The following CLMN variants were observed in gnomAD, a reference collection of about 807,000 sequenced individuals.
CLMN encodes calmin, also known as calmin (calponin-like, transmembrane).
CLMN carries 57 observed loss-of-function variants against 92.7 expected under a neutral mutation model. That is an observed-to-expected ratio of 0.61 (90% CI 0.50 to 0.77). The LOEUF is 0.77. Ranked by LOEUF, CLMN falls within the 30% of genes least tolerant of loss-of-function variation. CLMN has a pLI of 0.00. For missense variants in CLMN, 1,158 were observed against 1,237.5 expected, an observed-to-expected ratio of 0.94 and a Z score of 0.96; for synonymous variants, 466 against 470.6, an observed-to-expected ratio of 0.99 and a Z score of 0.13.
At chr14:95,238,442 C>G (rs1322682793) in intron 1 of CLMN, among the ~76,000 whole-genome samples, 1 of 152,226 alleles carries the variant, frequency 6.6e-6, no homozygotes, top group Non-Finnish European at 1.5e-5. Context: ...GGTTTTTCAC[C>G]AGCAGTGATT....
chr14:95,221,697 A>G lies in CLMN; in HGVS notation c.318T>C (p.Asp106=), dbSNP rs1897545332. 8 of 1,613,642 alleles carry G rather than the reference A, an allele frequency of 5.0e-6. No individual in the cohort carries two copies. Among genetic ancestry groups the G allele is most frequent in the South Asian group, 2.2e-5 (2 of 90,978 alleles). Residue 106 remains aspartate, a synonymous_variant, in exon 4 of 13, where the codon GAT becomes GAC. Transcript: ENST00000298912. ...ATGAGCTTCAAACACTTACATTGCTATCTTCCAAAAACTTAAGTGCTTTCG... is the reference window on the plus strand; with the variant it reads ...ATGAGCTTCAAACACTTACATTGCTGTCTTCCAAAAACTTAAGTGCTTTCG... ...NIAKALKFLE[D]SNVKLVSIDA...
At position 95,319,849 on chromosome 14, in the gene CLMN, C is replaced by T; in HGVS notation, c.-57G>A. 1.9e-6 allele frequency: 2 copies of T among 1,067,836 alleles called. No homozygotes were observed. Among genetic ancestry groups the T allele is most frequent in the Non-Finnish European group, 2.3e-6 (2 of 877,190 alleles). The allele number at this position is 1,067,836 out of a possible 1,614,324, so 66.1% of individuals were successfully genotyped here. On this transcript the variant is annotated 5_prime_UTR_variant, in exon 1 of 13. Transcript: ENST00000298912. ...GGCGCGGGCGGCGGGCGCGGAGAGC[C>T]TGGCTGGCGGGCGCGCGAGCGGCAC... is the stretch of plus-strand genomic sequence containing the variant.
chr14:95,305,361 C>T (rs1453876021), intron 1 of CLMN, among the ~76,000 whole-genome samples: 1 of 152,224 alleles, frequency 6.6e-6, no homozygotes, highest in East Asian at 1.9e-4. Context: ...CCGCCCCAAC[C>T]CTGTCCATCA....
intron 1 of CLMN, among the ~76,000 whole-genome samples, chr14:95,304,909 G>T (rs1471919321): frequency 6.6e-6 from 1 of 152,144 alleles, no homozygotes; most frequent in African/African-American, 2.4e-5. Context: ...GGGTCCCCAT[G>T]AAACAGTCCA....
At chr14:95,305,331 G>A (rs1901231843) in intron 1 of CLMN, among the ~76,000 whole-genome samples, 1 of 152,232 alleles carries the variant, frequency 6.6e-6, no homozygotes, top group South Asian at 2.1e-4. Flanking sequence ...TGAGCACTGT[G>A]TGAGCCACCA....
intron 1 of CLMN, among the ~76,000 whole-genome samples, chr14:95,292,673 G>T (rs997227778): frequency 1.3e-5 from 2 of 152,156 alleles, no homozygotes; most frequent in South Asian, 4.1e-4. Flanking sequence ...CAGGCTGGTG[G>T]TAGGGGAGGG....
At position 95,292,503 on chromosome 14, in the gene CLMN, G is replaced by A. The variant is rs561590369; in HGVS notation, c.82+27208C>T. ...CAGGCTCCATGGCCCTCCAGGAGGT[G>A]TAAGTAAAAGCCTTACTGTCTCCCT... On this transcript the variant is annotated intron_variant, in intron 1 of 12. Transcript: ENST00000298912. Among the ~76,000 whole-genome samples, 121 of 133,384 alleles carry A rather than the reference G, an allele frequency of 9.1e-4. 1 individual carries two copies. In the South Asian group the frequency reaches 0.013, roughly 15 times the overall value. 87.5% of individuals were successfully genotyped at this position (133,384 alleles called of 152,430 possible). A position where few individuals can be genotyped will look rare whatever the true frequency, so the allele number is the denominator to read the frequency against.
intron 4 of CLMN, among the ~76,000 whole-genome samples, chr14:95,216,677 A>G (rs141513560): frequency 6.6e-6 from 1 of 152,340 alleles, no homozygotes; most frequent in East Asian, 1.9e-4. Context: ...GGGTTTCTGC[A>G]CCATTAGAAA....
chr14:95,276,357 T>C (rs998493977), intron 1 of CLMN, among the ~76,000 whole-genome samples: 15 of 152,232 alleles, frequency 9.9e-5, no homozygotes, highest in Admixed American at 7.8e-4. Context: ...CTATTCTCTT[T>C]GGATTAATCT....
Position 95,252,631 on chromosome 14 carries a change from C to T in CLMN, c.83-22498G>A, listed in dbSNP as rs143107644. On this transcript the variant is annotated intron_variant, in intron 1 of 12. Transcript: ENST00000298912. ...ACAGGCTTAGGGTGGGGACTGGCCG[C>T]CAATCCAGAAAGACCTGCCCTGTGA... 4.0e-3 allele frequency among the ~76,000 whole-genome samples: 614 copies of T among 152,276 alleles called. 4 individuals are homozygous for T. Among genetic ancestry groups the T allele is most frequent in the African/African-American group, 0.014 (578 of 41,538 alleles).
At chr14:95,232,476 A>T (rs1897921739) in intron 1 of CLMN, among the ~76,000 whole-genome samples, 2 of 152,214 alleles carry the variant, frequency 1.3e-5, no homozygotes, top group South Asian at 4.1e-4. Context: ...CCCATAAATC[A>T]CGTTTCAATA....
Position 95,203,320 on chromosome 14 carries a change from C to T in CLMN, c.2029G>A (p.Asp677Asn), listed in dbSNP as rs1896942510. 3 of 1,614,076 alleles carry T rather than the reference C, an allele frequency of 1.9e-6. No individual in the cohort carries two copies. The highest frequency in any genetic ancestry group is 1.3e-5 in the African/African-American group (1 of 75,022). ...TCCTCGCCCACACCCTGGAGGTCATCGTCTTCTCCCTCTTCCTCATAATGA... is the reference window on the plus strand; with the variant it reads ...TCCTCGCCCACACCCTGGAGGTCATTGTCTTCTCCCTCTTCCTCATAATGA... ...RPHYEEEGED[D>N]DLQGVGEELS... Residue 677 changes from aspartate (D) to asparagine (N), a missense_variant, in exon 9 of 13, where the codon GAT becomes AAT. Physicochemically the swap from Asp to Asn is conservative, Grantham distance 23 (BLOSUM62 1). Transcript: ENST00000298912.
Position 95,194,304 on chromosome 14 carries a change from C to T in CLMN, c.2769+232G>A. 2 of 1,414,148 alleles carry T rather than the reference C, an allele frequency of 1.4e-6. No homozygotes were observed. Among genetic ancestry groups the T allele is most frequent in the Non-Finnish European group, 1.8e-6 (2 of 1,088,918 alleles). The allele number at this position is 1,414,148 out of a possible 1,614,324, so 87.6% of individuals were successfully genotyped here. On this transcript the variant is annotated intron_variant, in intron 11 of 12. Transcript: ENST00000298912. This position sits in a 1 kb window ranked among gnomAD's most constrained non-coding sequence, Gnocchi z 4.0. ...AGGCGTTTTGGGTGCGTTTTTATAG[C>T]AAGGAGGCCTTTGGGCTTTAAAATC...
At chr14:95,255,988 T>A (rs1898984207) in intron 1 of CLMN, among the ~76,000 whole-genome samples, 1 of 152,224 alleles carries the variant, frequency 6.6e-6, no homozygotes. Flanking sequence ...TAATCCGTAT[T>A]CTTTTAACCC....
intron 1 of CLMN, among the ~76,000 whole-genome samples, chr14:95,302,893 T>A (rs1901119014): frequency 6.6e-6 from 1 of 152,166 alleles, no homozygotes; most frequent in South Asian, 2.1e-4. Flanking sequence ...GCCTGTCCTT[T>A]CTCTGGCTTT....
At chr14:95,249,409 A>T (rs1898695947) in intron 1 of CLMN, among the ~76,000 whole-genome samples, 1 of 152,212 alleles carries the variant, frequency 6.6e-6, no homozygotes, top group Admixed American at 6.5e-5. Context: ...CTGCAATAAC[A>T]TAATGAAACT....
At chr14:95,245,223 TATTA>T (rs1481107463) in intron 1 of CLMN, among the ~76,000 whole-genome samples, 399 of 33,872 alleles carry the variant, frequency 0.012, 13 homozygotes, top group Admixed American at 0.06. Flanking sequence ...TATATATATA[TATTA>T]TATATATATA....
At chr14:95,211,016 C>T in intron 6 of CLMN, 137 bp from the exon 7 acceptor site, 1 of 780,004 alleles carries the variant, frequency 1.3e-6, no homozygotes. Context: ...ACGCCTTCAT[C>T]CCTGAGCATG....
At chr14:95,263,129 A>ATT (rs1175469030) in intron 1 of CLMN, among the ~76,000 whole-genome samples, 1 of 152,238 alleles carries the variant, frequency 6.6e-6, no homozygotes, top group Non-Finnish European at 1.5e-5. Context: ...TATAAAGGAA[A>ATT]TAAGTTTAAT....
Sources: gnomAD v4.1 joint callset for allele counts (sites outside exome capture counted in the v4.1 genomes callset) on GRCh38, gnomAD v4.1.1 for gene constraint, Gnocchi (gnomAD v3.1) non-coding constraint, MANE v1.5 for transcripts, NCBI Gene and HGNC (gene_info 2026-07-23, HGNC 2026-07-21) for gene names.